The following LTO1 variants were observed in gnomAD, a reference collection of about 807,000 sequenced individuals.
LTO1 encodes protein LTO1 homolog.
LTO1 carries 18 observed loss-of-function variants against 19.8 expected under a neutral mutation model. That is an observed-to-expected ratio of 0.91 (90% CI 0.63 to 1.35). The LOEUF (loss-of-function observed/expected upper bound fraction) is 1.35. LTO1 is among the 40% of genes most tolerant of loss of function. The pLI, the probability that LTO1 is intolerant of heterozygous loss-of-function variation, is 0.00. For synonymous variants in LTO1, 59 were observed against 59.6 expected (o/e 0.99, Z 0.05); for missense variants, 175 against 167.9 (o/e 1.04, Z -0.23).
In LTO1 at chr11:69,667,476, C is replaced by T. The variant is rs1565078263; in HGVS notation, c.*43G>A. The stretch of plus-strand genomic sequence containing the variant: ...ACCGCATTTCTAAACACGTCACACA[C>T]ACATCTGTTCCTCGACGTTCGGTCT... On this transcript the variant is annotated 3_prime_UTR_variant, in exon 5 of 5. Coordinates refer to ENST00000279147, the MANE Select transcript of LTO1 (RefSeq NM_153451.3). 7.8e-7 allele frequency: 1 copy of T among 1,274,672 alleles called. No homozygotes were observed. Among genetic ancestry groups the T allele is most frequent in the East Asian group, 2.3e-5 (1 of 43,304 alleles). The allele number at this position is 1,274,672 out of a possible 1,614,324, so 79.0% of individuals were successfully genotyped here.
intron 1 of LTO1, chr11:69,674,454 G>A (rs1856157977): frequency 1.1e-5 from 3 of 281,734 alleles, no homozygotes; most frequent in South Asian, 6.7e-5. Flanking sequence ...GCCCCATGAA[G>A]CAGGGTGCAT....
intron 1 of LTO1, among the ~76,000 whole-genome samples, chr11:69,673,808 C>T (rs904753175): frequency 1.3e-5 from 2 of 151,644 alleles, no homozygotes; most frequent in East Asian, 1.9e-4. Flanking sequence ...CAGCTTTGGC[C>T]GCTCCAAGTG....
rs771973771 is a variant in LTO1, at chr11:69,675,099, G to A, written c.50+91C>T. The A allele has an allele frequency of 4.5e-4, 535 of 1,200,728 alleles. 1 individual carries two copies. Among genetic ancestry groups the A allele is most frequent in the Non-Finnish European group, 6.2e-4 (511 of 825,028 alleles). The allele number at this position is 1,200,728 out of a possible 1,614,324, so 74.4% of individuals were successfully genotyped here. A position where few individuals can be genotyped will look rare whatever the true frequency, so the allele number is the denominator to read the frequency against. ...AATGCGCACGCCCAAGGGACGCCAG[G>A]CTCCAGCAGCCGCCCTGGGCCGCAG... On this transcript the variant is annotated intron_variant, in intron 1 of 4. Transcript: ENST00000279147.
Position 69,667,380 on chromosome 11 carries a change from C to T in LTO1, c.*139G>A. 6.1e-6 allele frequency: 4 copies of T among 660,126 alleles called. No individual in the cohort carries two copies. Among genetic ancestry groups the T allele is most frequent in the East Asian group, 2.6e-5 (1 of 38,338 alleles). 40.9% of individuals were successfully genotyped at this position (660,126 alleles called of 1,614,324 possible). On this transcript the variant is annotated 3_prime_UTR_variant, in exon 5 of 5. Coordinates refer to ENST00000279147, the MANE Select transcript of LTO1 (RefSeq NM_153451.3). ...GGCAGAAAACCCCAGGGAAGGAAGC[C>T]CTCCCACGGCCGAACCGGAACCCTC...
intron 3 of LTO1, among the ~76,000 whole-genome samples, chr11:69,669,249 G>C (rs541200788): frequency 1.3e-5 from 2 of 152,044 alleles, no homozygotes; most frequent in Non-Finnish European, 2.9e-5. Context: ...CCTCTATGCC[G>C]CATTGGACCA....
In LTO1 at chr11:69,667,922, T is replaced by C. The variant is rs755907536; in HGVS notation, c.318A>G (p.Leu106=). 3 of 1,564,948 alleles carry C rather than the reference T, an allele frequency of 1.9e-6. No individual in the cohort carries two copies. The South Asian group carries it at 3.3e-5, about 17-fold the overall frequency. The part of the protein sequence containing the change: ...DPTYDKLHED[L]DKIRGKFKQF... ...GTTTAAATTTTCCTCTGATCTTGTC[T>C]AAGTCTTCATGGAGTTTATCGTAAG... The change falls in exon 4 of 5, where the codon TTA becomes TTG. Residue 106 remains leucine (L), a synonymous_variant. Coordinates refer to ENST00000279147, the MANE Select transcript of LTO1 (RefSeq NM_153451.3).
In LTO1 at chr11:69,673,265, A is replaced by G. The variant is rs1216540797; in HGVS notation, c.107T>C (p.Met36Thr). The change falls in exon 2 of 5, where the codon ATG becomes ACG. Residue 36 changes from methionine to threonine, a missense_variant. By Grantham distance (81) the Met-to-Thr change is moderately conservative. Coordinates refer to ENST00000279147, the MANE Select transcript of LTO1 (RefSeq NM_153451.3). ...GYEEGSSLGV[M>T]EGRQHGTLHG... Reference sequence around the variant, plus strand: ...CAGCGTGCCATGCTGCCTTCCCTCCATCACACCCAAACTACTGCCTTCTTC... The same window carrying G: ...CAGCGTGCCATGCTGCCTTCCCTCCGTCACACCCAAACTACTGCCTTCTTC... 1 of 1,613,830 alleles carries G rather than the reference A, an allele frequency of 6.2e-7. No homozygotes were observed. Among genetic ancestry groups the G allele is most frequent in the Admixed American group, 1.7e-5 (1 of 60,020 alleles).
At chr11:69,671,457 T>C (rs1856107848) in intron 3 of LTO1, 2 of 298,362 alleles carry the variant, frequency 6.7e-6, no homozygotes, top group African/African-American at 2.1e-5. Context: ...ATTTTATTGG[T>C]AGGGTATCTA....
rs781364793 is a variant in LTO1, at chr11:69,668,051, C to T, written c.228-39G>A. On this transcript the variant is annotated intron_variant, in intron 3 of 4. Transcript: ENST00000279147. Reference sequence around the variant, plus strand: ...AAATACAGACTCTCAGTCATGTGCACACAACAGGCTCAACTTACACAACAG... The same window carrying T: ...AAATACAGACTCTCAGTCATGTGCATACAACAGGCTCAACTTACACAACAG... The T allele has an allele frequency of 6.0e-6, 6 of 1,003,526 alleles. No homozygotes were observed. The African/African-American group carries it at 9.5e-5, about 16-fold the overall frequency. 62.2% of individuals were successfully genotyped at this position (1,003,526 alleles called of 1,614,324 possible).
At chr11:69,672,774 A>G (rs1393083651) in intron 2 of LTO1, 4 of 307,956 alleles carry the variant, frequency 1.3e-5, no homozygotes, top group Non-Finnish European at 2.6e-5. Context: ...CATCTAGTCC[A>G]TTAACTCCCA....
chr11:69,670,456 C>T (rs938572227), intron 3 of LTO1, among the ~76,000 whole-genome samples: 4 of 152,250 alleles, frequency 2.6e-5, no homozygotes, highest in Admixed American at 6.5e-5. Flanking sequence ...CTGGGATCCC[C>T]AGCTGCCGGC....
At chr11:69,670,814 A>G (rs1201718971) in intron 3 of LTO1, among the ~76,000 whole-genome samples, 1 of 152,142 alleles carries the variant, frequency 6.6e-6, no homozygotes, top group Non-Finnish European at 1.5e-5. Flanking sequence ...AACCATCTCA[A>G]GGGTTCATTT....
chr11:69,670,084 G>C (rs1249153008), intron 3 of LTO1, among the ~76,000 whole-genome samples: 1 of 152,142 alleles, frequency 6.6e-6, no homozygotes. Context: ...TAAAGCCTTA[G>C]GTTCCAAAGA....
At chr11:69,672,842 G>T in intron 2 of LTO1, 7 of 306,058 alleles carry the variant, frequency 2.3e-5, no homozygotes, top group East Asian at 8.0e-5. Flanking sequence ...TCATCCTGTC[G>T]CCCAGGCTGC....
At chr11:69,673,523 G>A (rs1189073344) in intron 1 of LTO1, 1 of 566,750 alleles carries the variant, frequency 1.8e-6, no homozygotes, top group Non-Finnish European at 3.2e-6. Flanking sequence ...TGTACCTCTT[G>A]TAGCCCAGTT....
intron 3 of LTO1, among the ~76,000 whole-genome samples, chr11:69,669,186 T>A (rs997455672): frequency 1.4e-4 from 21 of 152,112 alleles, no homozygotes; most frequent in Admixed American, 1.2e-3. Context: ...TGTGTACATC[T>A]CGTGGGGCCA....
intron 1 of LTO1, 99 bp downstream of exon 1, chr11:69,675,091 G>A (rs1856170646): frequency 1.8e-6 from 2 of 1,087,426 alleles, no homozygotes; most frequent in African/African-American, 1.6e-5. Flanking sequence ...ACGCCCAAGG[G>A]ACGCCAGGCT....
At position 69,671,811 on chromosome 11, in the gene LTO1, G is replaced by C; in HGVS notation, c.165C>G (p.Cys55Trp). 1 of 1,582,784 alleles carries C rather than the reference G, an allele frequency of 6.3e-7. No individual in the cohort carries two copies. Among genetic ancestry groups the C allele is most frequent in the Non-Finnish European group, 8.7e-7 (1 of 1,151,430 alleles). ...HGAKIGSEIG[C>W]YQGFAFAWKC... ...TCCATGCAAAAGCAAAACCTTGGTAGCACCCGATCTGTGAATGTGAAAAAT... is the reference window on the plus strand; with the variant it reads ...TCCATGCAAAAGCAAAACCTTGGTACCACCCGATCTGTGAATGTGAAAAAT... Residue 55 changes from cysteine (C) to tryptophan (W), a missense_variant, in exon 3 of 5, where the codon TGC (cysteine) becomes TGG (tryptophan). Physicochemically the swap from Cys to Trp is radical, Grantham distance 215. Coordinates refer to ENST00000279147, the MANE Select transcript of LTO1 (RefSeq NM_153451.3).
Position 69,669,252 on chromosome 11 carries a change from T to C in LTO1, c.228-1240A>G, listed in dbSNP as rs559507875. Among the ~76,000 whole-genome samples the C allele has an allele frequency of 2.5e-4, 38 of 152,244 alleles. 1 individual carries two copies. Among genetic ancestry groups the C allele is most frequent in the Admixed American group, 1.6e-3 (24 of 15,296 alleles). ...AGAAGCATGCTGCCTCTATGCCGCA[T>C]TGGACCATGTGAGTGGCCAGAGTAG... On this transcript the variant is annotated intron_variant, in intron 3 of 4. Coordinates refer to ENST00000279147, the MANE Select transcript of LTO1 (RefSeq NM_153451.3).
Sources: gnomAD v4.1 joint callset for allele counts (sites outside exome capture counted in the v4.1 genomes callset) on GRCh38, gnomAD v4.1.1 for gene constraint, MANE v1.5 for transcripts, NCBI Gene and HGNC (gene_info 2026-07-23, HGNC 2026-07-21) for gene names.